DRC7: variants seen among roughly 807,000 people sequenced by gnomAD.
DRC7 encodes dynein regulatory complex subunit 7.
In DRC7, 80 loss-of-function variants were observed where a neutral mutation model predicts 104.4. The ratio of observed to expected loss-of-function variants is 0.77; its 90% CI spans 0.64 to 0.92. The LOEUF is 0.92. Among genes scored for constraint, DRC7 ranks in the 40% least tolerant of loss-of-function variants. The pLI, the probability that DRC7 is intolerant of heterozygous loss-of-function variation, is 0.00. For missense variants in DRC7, 1,034 were observed against 1,141.1 expected (o/e 0.91, Z 1.35); for synonymous variants, 405 against 447.3 (o/e 0.91, Z 1.19).
chr16:57,729,399 T>C (rs1163634417), intron 17 of DRC7, among the ~76,000 whole-genome samples: 5 of 136,350 alleles, frequency 3.7e-5, no homozygotes, highest in African/African-American at 5.7e-5. Flanking sequence ...GATGGATGAG[T>C]GGGCGGGTGG....
rs909575631 is a variant in DRC7 at position 57,716,374 on chromosome 16, G to A, written c.1078-1973G>A. On this transcript the variant is annotated intron_variant, in intron 8 of 18. Coordinates refer to ENST00000360716, the MANE Select transcript of DRC7 (RefSeq NM_001289162.2). ...ACAAATTAGCTGGGTGTGGTGGCGG[G>A]CACCTGTAATCCCAGCTACTCAGGA... Among the ~76,000 whole-genome samples the A allele has an allele frequency of 4.0e-5, 6 of 151,788 alleles. No individual in the cohort carries two copies. The South Asian group carries it at 1.3e-3, about 32-fold the overall frequency.
At chr16:57,708,340 G>C (rs2048755301) in intron 8 of DRC7, among the ~76,000 whole-genome samples, 1 of 152,130 alleles carries the variant, frequency 6.6e-6, no homozygotes, top group Non-Finnish European at 1.5e-5. Flanking sequence ...TGTTTTTGGA[G>C]TTTACATCAG....
At chr16:57,728,297 T>C in intron 16 of DRC7, 93 bp from the exon 17 acceptor site, 1 of 1,246,956 alleles carries the variant, frequency 8.0e-7, no homozygotes, top group Non-Finnish European at 1.1e-6. Context: ...GGCTGTGAGG[T>C]CTGGCTTTGT....
chr16:57,717,958 G>A (rs1248529170), intron 8 of DRC7, among the ~76,000 whole-genome samples: 1 of 152,198 alleles, frequency 6.6e-6, no homozygotes, highest in Non-Finnish European at 1.5e-5. Context: ...CCTGGGAGTT[G>A]CTAGACCCTT....
At position 57,726,133 on chromosome 16, in the gene DRC7, G is replaced by A. The variant is rs1296524407; in HGVS notation, c.1824G>A (p.Val608=). 5 of 1,613,114 alleles carry A rather than the reference G, an allele frequency of 3.1e-6. No individual in the cohort carries two copies. The highest frequency in any genetic ancestry group is 2.7e-5 in the African/African-American group (2 of 74,946). ...KPAEEDVAER[V]FLVAEERIQL... ...CGGAGGAGGACGTGGCAGAGCGCGT[G>A]TTTCTGGTCGCGGAGGAGCGCATCC... The change falls in exon 14 of 19, where the codon GTG becomes GTA. Residue 608 remains valine (V), a synonymous_variant. Transcript: ENST00000360716.
rs759718926 is a variant in DRC7, at chr16:57,726,258, C to A, written c.1949C>A (p.Thr650Lys). The A allele has an allele frequency of 1.9e-6, 3 of 1,612,390 alleles. No homozygotes were observed. The highest frequency in any genetic ancestry group is 2.5e-6 in the Non-Finnish European group (3 of 1,179,390). The change falls in exon 14 of 19, where the codon ACG (threonine) becomes AAG (lysine). Residue 650 changes from threonine to lysine, a missense_variant. Thr to Lys is a moderately conservative substitution (Grantham distance 78). Transcript: ENST00000360716. ...VDSKGNKIIM[T>K]PDMCISFEVE... The stretch of plus-strand genomic sequence containing the variant: ...AGCAAAGGCAACAAGATCATCATGA[C>A]GCCCGACATGTGCATCAGCTTCGAG...
intron 7 of DRC7, among the ~76,000 whole-genome samples, chr16:57,706,541 CCCA>C (rs2048731379): frequency 1.6e-5 from 2 of 126,870 alleles, no homozygotes; most frequent in East Asian, 2.8e-4. Context: ...CACCCATCCA[CCCA>C]TCCTCCCATC....
At chr16:57,711,311 C>G (rs1282918135) in intron 8 of DRC7, among the ~76,000 whole-genome samples, 1 of 152,146 alleles carries the variant, frequency 6.6e-6, no homozygotes, top group Non-Finnish European at 1.5e-5. Flanking sequence ...CCCATTCATT[C>G]TTAATATTGG....
In DRC7 at chr16:57,725,959, CCA is replaced by C. The variant is rs1471335641; in HGVS notation, c.1759-108_1759-107del. On this transcript the variant is annotated intron_variant, in intron 13 of 18. Transcript: ENST00000360716. ...ATTCCACGTGAATCGCCAAACGACCCCAGACTCCAGTGTCCTGAACGTTCGTT... is the reference window on the plus strand; with the variant it reads ...ATTCCACGTGAATCGCCAAACGACCCGACTCCAGTGTCCTGAACGTTCGTT... The C allele has an allele frequency of 3.2e-6, 3 of 940,674 alleles. No homozygotes were observed. The African/African-American group carries it at 4.9e-5, about 15-fold the overall frequency. 58.3% of individuals were successfully genotyped at this position (940,674 alleles called of 1,614,324 possible). A position where few individuals can be genotyped will look rare whatever the true frequency, so the allele number is the denominator to read the frequency against.
chr16:57,723,135 G>A lies in DRC7; in HGVS notation c.1537+5G>A, dbSNP rs780722329. On this transcript the variant is annotated splice_donor_5th_base_variant and intron_variant, in intron 12 of 18. Coordinates refer to ENST00000360716, the MANE Select transcript of DRC7 (RefSeq NM_001289162.2). ...GCCACCCCCAGGCTCTGCGCGGTGCGTGGCTCCCCTTTCCTGGGCCACCCA... is the reference window on the plus strand; with the variant it reads ...GCCACCCCCAGGCTCTGCGCGGTGCATGGCTCCCCTTTCCTGGGCCACCCA... 2.0e-5 allele frequency: 32 copies of A among 1,612,550 alleles called. No homozygotes were observed. The highest frequency in any genetic ancestry group is 6.7e-5 in the East Asian group (3 of 44,874).
intron 8 of DRC7, among the ~76,000 whole-genome samples, chr16:57,708,080 C>A (rs1597799493): frequency 6.6e-6 from 1 of 152,174 alleles, no homozygotes; most frequent in Non-Finnish European, 1.5e-5. Context: ...TCCCTTTGCA[C>A]AATTACTATC....
At chr16:57,721,806 C>T in intron 10 of DRC7, 67 bp downstream of exon 10, 1 of 1,236,118 alleles carries the variant, frequency 8.1e-7, no homozygotes, top group Non-Finnish European at 1.2e-6. Flanking sequence ...GAGAGGTCTG[C>T]AACAGCGAGG....
intron 10 of DRC7, 34 bp from the exon 11 acceptor site, chr16:57,722,679 A>G (rs1374950243): frequency 1.9e-6 from 3 of 1,611,894 alleles, no homozygotes; most frequent in African/African-American, 2.7e-5. Context: ...CCCCCAAACT[A>G]GCAAGAAGAG....
At position 57,712,291 on chromosome 16, in the gene DRC7, C is replaced by A. The variant is rs558415927; in HGVS notation, c.1077+4613C>A. Reference sequence around the variant, plus strand: ...CAGTCACATTTATATCCACTTTAATCATATGCAAATTAAGGGGCAGATTAT... The same window carrying A: ...CAGTCACATTTATATCCACTTTAATAATATGCAAATTAAGGGGCAGATTAT... On this transcript the variant is annotated intron_variant, in intron 8 of 18. Coordinates refer to ENST00000360716, the MANE Select transcript of DRC7 (RefSeq NM_001289162.2). 7.2e-5 allele frequency among the ~76,000 whole-genome samples: 11 copies of A among 152,212 alleles called. No individual in the cohort carries two copies. The East Asian group carries it at 2.1e-3, about 29-fold the overall frequency.
chr16:57,716,478 G>C (rs563053113), intron 8 of DRC7, among the ~76,000 whole-genome samples: 3 of 148,458 alleles, frequency 2.0e-5, no homozygotes, highest in African/African-American at 7.4e-5. Context: ...ACTCCAGCCT[G>C]GGCAACAGAG....
Position 57,731,078 on chromosome 16 carries a change from G to T in DRC7, c.2531+8G>T. Reference sequence around the variant, plus strand: ...GGAGCAGCGCCTCAATCGGTGAGCAGGCAGGGCAGGTGGAGAGAACCCACT... The same window carrying T: ...GGAGCAGCGCCTCAATCGGTGAGCATGCAGGGCAGGTGGAGAGAACCCACT... On this transcript the variant is annotated splice_region_variant and intron_variant, in intron 18 of 18. Transcript: ENST00000360716. The T allele has an allele frequency of 6.2e-7, 1 of 1,613,772 alleles. No individual in the cohort carries two copies. Among genetic ancestry groups the T allele is most frequent in the Non-Finnish European group, 8.5e-7 (1 of 1,179,958 alleles).
chr16:57,700,306 C>A, intron 5 of DRC7, 36 bp downstream of exon 5: 2 of 1,597,438 alleles, frequency 1.3e-6, no homozygotes, highest in Non-Finnish European at 1.7e-6. Flanking sequence ...CCTGAGCCCA[C>A]CAGGACTAAG....
At chr16:57,716,707 A>G (rs1161091618) in intron 8 of DRC7, among the ~76,000 whole-genome samples, 1 of 152,044 alleles carries the variant, frequency 6.6e-6, no homozygotes, top group Non-Finnish European at 1.5e-5. Flanking sequence ...GGACCCACAC[A>G]TGACAGTGAG....
In DRC7 at chr16:57,726,946, G is replaced by A. The variant is rs1431870068; in HGVS notation, c.2085+4G>A. ...GGTCTGGGAGTCAGAGCTGGAGGTA[G>A]GGTCCTGTGGGAGAGTGAGCAGGTG... On this transcript the variant is annotated splice_donor_region_variant and intron_variant, in intron 15 of 18. Coordinates refer to ENST00000360716, the MANE Select transcript of DRC7 (RefSeq NM_001289162.2). 6.4e-7 allele frequency: 1 copy of A among 1,573,832 alleles called. No homozygotes were observed. The highest frequency in any genetic ancestry group is 2.2e-5 in the East Asian group (1 of 44,610).
Sources: allele counts gnomAD v4.1 joint callset (sites outside exome capture counted in the v4.1 genomes callset), GRCh38; gene constraint gnomAD v4.1.1; transcripts MANE v1.5; gene names NCBI Gene and HGNC (gene_info 2026-07-23, HGNC 2026-07-21).